IRAG2: variants seen among roughly 807,000 people sequenced by gnomAD.
IRAG2 encodes the protein lymphoid restricted membrane protein.
IRAG2 carries 45 observed loss-of-function variants against 69.9 expected under a neutral mutation model. The ratio of observed to expected loss-of-function variants is 0.64; its 90% CI spans 0.51 to 0.83. The LOEUF (loss-of-function observed/expected upper bound fraction) is 0.83, where lower values mean the gene tolerates loss of function less well. Ranked by LOEUF, IRAG2 falls within the 40% of genes least tolerant of loss-of-function variation. IRAG2 has a pLI of 0.00. For missense variants in IRAG2, 520 were observed against 587.0 expected (o/e 0.89, Z 1.18); for synonymous variants, 193 against 202.4 (o/e 0.95, Z 0.40).
At chr12:25,023,739 A>C (rs1944601207) in intron 7 of IRAG2, 2 of 434,290 alleles carry the variant, frequency 4.6e-6, no homozygotes, top group Non-Finnish European at 7.6e-6. Flanking sequence ...AAATATTTTC[A>C]GAGTAGGCTC....
intron 13 of IRAG2, chr12:25,035,532 C>G (rs537620318): frequency 3.8e-5 from 15 of 396,606 alleles, no homozygotes; most frequent in African/African-American, 3.1e-4. Context: ...TTTCACAAGA[C>G]TATTGAGAAC....
intron 1 of IRAG2, among the ~76,000 whole-genome samples, chr12:25,060,668 CTTTTTT>C (rs753591747): frequency 1.0e-5 from 1 of 99,288 alleles, no homozygotes; most frequent in Non-Finnish European, 1.9e-5. Context: ...AATGTATTTT[CTTTTTT>C]TTTTTTTTTT....
At chr12:25,011,961 G>A (rs1220778793) in intron 3 of IRAG2, among the ~76,000 whole-genome samples, 1 of 151,976 alleles carries the variant, frequency 6.6e-6, no homozygotes, top group Non-Finnish European at 1.5e-5. Flanking sequence ...CCCTTTTAAG[G>A]GCAGTGGGGC....
chr12:25,072,993 T>C (rs571329953), intron 6 of IRAG2, among the ~76,000 whole-genome samples: 45 of 152,364 alleles, frequency 3.0e-4, no homozygotes, highest in African/African-American at 9.6e-4. Context: ...AATGTTGACA[T>C]TCAAGCATCT....
At chr12:25,041,852 A>T (rs1196605804) in intron 16 of IRAG2, among the ~76,000 whole-genome samples, 1 of 137,816 alleles carries the variant, frequency 7.3e-6, no homozygotes, top group Non-Finnish European at 1.6e-5. Context: ...ATATTCTGAT[A>T]TCAACTTACT....
At chr12:25,076,574 G>A (rs1946702885) in intron 6 of IRAG2, 2 of 983,168 alleles carry the variant, frequency 2.0e-6, no homozygotes, top group African/African-American at 1.8e-5. Flanking sequence ...CTGGCATAAT[G>A]GAATAGAAAA....
At chr12:25,069,887 T>C (rs918522644) in intron 6 of IRAG2, among the ~76,000 whole-genome samples, 2 of 152,154 alleles carry the variant, frequency 1.3e-5, no homozygotes, top group African/African-American at 2.4e-5. Flanking sequence ...AAGGTATTAA[T>C]TGGCAAAGTT....
chr12:25,038,759 A>G (rs371960964), intron 16 of IRAG2, among the ~76,000 whole-genome samples: 48 of 152,298 alleles, frequency 3.2e-4, no homozygotes, highest in African/African-American at 1.0e-3. Context: ...GCCTCTAGTA[A>G]CCTCATAATT....
exon 1 of IRAG2, chr12:25,004,860 G>A: frequency 8.1e-7 from 1 of 1,231,970 alleles, no homozygotes; most frequent in South Asian, 4.1e-5. Flanking sequence ...TTCAAAGCTT[G>A]AAGTGTTTTG....
intron 6 of IRAG2, among the ~76,000 whole-genome samples, chr12:25,077,244 T>TATATATGATATATATGAA (rs1565562566): frequency 1.6e-5 from 1 of 63,896 alleles, no homozygotes; most frequent in Admixed American, 2.1e-4. Flanking sequence ...ATATATGAAA[T>TATATATGATATATATGAA]ATATATATGA....
intron 6 of IRAG2, among the ~76,000 whole-genome samples, chr12:25,077,275 GAAATATATATGAT>G (rs1946801501): frequency 7.1e-5 from 1 of 14,058 alleles, no homozygotes; most frequent in African/African-American, 2.0e-4. Flanking sequence ...AAATATATAT[GAAATATATATGAT>G]ATATATATGA....
intron 9 of IRAG2, among the ~76,000 whole-genome samples, chr12:25,027,175 C>T (rs1944628742): frequency 1.3e-5 from 2 of 152,042 alleles, no homozygotes; most frequent in Admixed American, 1.3e-4. Flanking sequence ...ACATTCTCAT[C>T]ACCCTGAAAG....
chr12:25,028,558 A>G (rs553163847), intron 9 of IRAG2, among the ~76,000 whole-genome samples: 1 of 152,316 alleles, frequency 6.6e-6, no homozygotes, highest in Non-Finnish European at 1.5e-5. Context: ...AAGAAATTAT[A>G]CCTTACAAAA....
intron 7 of IRAG2, chr12:25,021,044 A>G (rs1944574398): frequency 2.5e-6 from 1 of 408,128 alleles, no homozygotes; most frequent in South Asian, 1.4e-4. Flanking sequence ...AAGTAAAGGC[A>G]GGTAGGATTT....
At chr12:25,017,436 G>A in intron 6 of IRAG2, 1 of 811,154 alleles carries the variant, frequency 1.2e-6, no homozygotes, top group Non-Finnish European at 1.6e-6. Flanking sequence ...TATATTCTCT[G>A]GCTGGGCATG....
At chr12:25,077,208 TG>T (rs1565562245) in intron 6 of IRAG2, among the ~76,000 whole-genome samples, 7,294 of 95,226 alleles carry the variant, frequency 0.077, 1,192 homozygotes, top group Non-Finnish European at 0.11. Context: ...AATATATATA[TG>T]ATATATATGA....
chr12:25,091,259 T>C, intron 14 of IRAG2: 1 of 156,704 alleles, frequency 6.4e-6, no homozygotes, highest in South Asian at 1.9e-4. Flanking sequence ...AATTTCCCTT[T>C]TCCTCCTTAC....
chr12:25,060,357 T>C (rs892171060), intron 1 of IRAG2, among the ~76,000 whole-genome samples: 1 of 152,148 alleles, frequency 6.6e-6, no homozygotes, highest in South Asian at 2.1e-4. Flanking sequence ...AAATATTAGG[T>C]ACTTTTCCCC....
chr12:25,058,216 A>G (rs1945398438), intron 1 of IRAG2, among the ~76,000 whole-genome samples: 1 of 152,222 alleles, frequency 6.6e-6, no homozygotes, highest in South Asian at 2.1e-4. Flanking sequence ...TCCCACCAGC[A>G]GTGTGGGTGG....
Sources: gnomAD v4.1 joint callset for allele counts (sites outside exome capture counted in the v4.1 genomes callset) on GRCh38, gnomAD v4.1.1 for gene constraint, MANE v1.5 for transcripts, NCBI Gene and HGNC (gene_info 2026-07-23, HGNC 2026-07-21) for gene names.